Variants in CELF2 observed in about 807,000 individuals in gnomAD.
The protein encoded by CELF2 is CUG triplet repeat RNA-binding protein 2.
A neutral mutation model predicts 62.6 loss-of-function variants in CELF2; 8 were observed. The observed-to-expected ratio is 0.13, with a 90% CI of 0.07 to 0.23. CELF2 has a LOEUF of 0.23. CELF2 is among the 10% of genes least tolerant of loss of function. The pLI is 1.00. For missense variants in CELF2, 333 were observed against 671.0 expected (o/e 0.50, Z 5.56); for synonymous variants, 258 against 250.0 (o/e 1.03, Z -0.30).
Position 10,957,483 on chromosome 10 carries a change from G to T in CELF2, c.89+37484G>T, listed in dbSNP as rs1355832813. On this transcript the variant is annotated intron_variant, in intron 2 of 13. Coordinates refer to the CELF2 transcript ENST00000636488. This position sits in a 1 kb window ranked among gnomAD's most constrained non-coding sequence, Gnocchi z 4.1. Reference sequence around the variant, plus strand: ...AAGAAACCCTACTGGAATTAACCAGGATCTACTTTAAACAACCGTCAGACC... The same window carrying T: ...AAGAAACCCTACTGGAATTAACCAGTATCTACTTTAAACAACCGTCAGACC... Among the ~76,000 whole-genome samples the T allele has an allele frequency of 6.6e-6, 1 of 152,114 alleles. No homozygotes were observed. Among genetic ancestry groups the T allele is most frequent in the African/African-American group, 2.4e-5 (1 of 41,426 alleles).
chr10:11,104,910 CTT>C (rs1340656319), intron 1 of CELF2, among the ~76,000 whole-genome samples: 1 of 152,182 alleles, frequency 6.6e-6, no homozygotes, highest in African/African-American at 2.4e-5. Flanking sequence ...GAGGTGACCT[CTT>C]GAGTGTGAAA....
intron 2 of CELF2, among the ~76,000 whole-genome samples, chr10:11,197,651 A>C (rs1282524777): frequency 6.6e-6 from 1 of 152,246 alleles, no homozygotes; most frequent in Non-Finnish European, 1.5e-5. Context: ...GATCCGCTGA[A>C]CAGAATCTCA....
intron 1 of CELF2, among the ~76,000 whole-genome samples, chr10:11,056,143 T>G (rs1209233405): frequency 6.6e-6 from 1 of 152,180 alleles, no homozygotes; most frequent in African/African-American, 2.4e-5. Flanking sequence ...TAGGTAGAAG[T>G]GTGTGTGCAA....
At chr10:10,805,465 T>G (rs576158962) in intron 1 of CELF2, among the ~76,000 whole-genome samples, 2 of 152,304 alleles carry the variant, frequency 1.3e-5, no homozygotes, top group African/African-American at 2.4e-5. Flanking sequence ...TTTTAAAAAT[T>G]TTTTGCAGAG....
chr10:11,266,235 T>C (rs184689130), intron 5 of CELF2, among the ~76,000 whole-genome samples: 1 of 152,252 alleles, frequency 6.6e-6, no homozygotes, highest in Admixed American at 6.5e-5. Context: ...TCAGTAAAGA[T>C]CATCAGTCAA....
At chr10:10,651,598 C>A in the CELF2 span, among the ~76,000 whole-genome samples, 1 of 144,562 alleles carries the variant, frequency 6.9e-6, no homozygotes, top group African/African-American at 2.6e-5. Context: ...GAGGCACCCC[C>A]CAGCAGGGGC....
In CELF2 at chr10:11,280,167, C is replaced by A. The variant is rs367750867; in HGVS notation, c.841+5047C>A. ...GGGGAAAGGACGGGGCACCCACATA[C>A]CTCAGAAAAGAGAGAGCGACAGAGG... is the stretch of plus-strand genomic sequence containing the variant. On this transcript the variant is annotated intron_variant, in intron 8 of 12. Coordinates refer to ENST00000633077, the MANE Select transcript of CELF2 (RefSeq NM_001326342.2). The surrounding 1 kb of genome is among the most constrained non-coding windows in gnomAD (Gnocchi z 7.6). Among the ~76,000 whole-genome samples the A allele has an allele frequency of 1.0e-3, 158 of 152,228 alleles. 3 individuals are homozygous for A. In the South Asian group the frequency reaches 0.032, roughly 30 times the overall value.
At chr10:11,287,763 T>C (rs1269840997) in intron 8 of CELF2, among the ~76,000 whole-genome samples, 4 of 152,242 alleles carry the variant, frequency 2.6e-5, no homozygotes, top group Middle Eastern at 3.2e-3. Flanking sequence ...GTGACATTCA[T>C]TGAGCTCTTA....
chr10:10,543,383 A>T, the CELF2 span, among the ~76,000 whole-genome samples: 1 of 152,170 alleles, frequency 6.6e-6, no homozygotes, highest in Non-Finnish European at 1.5e-5. Flanking sequence ...AACCTGCTTG[A>T]TCCCATAGAC....
intron 1 of CELF2, among the ~76,000 whole-genome samples, chr10:11,148,333 C>A (rs1442549879): frequency 6.6e-6 from 1 of 152,246 alleles, no homozygotes; most frequent in Non-Finnish European, 1.5e-5. Context: ...CCTGCCTTCA[C>A]ACAGCGTGTA....
chr10:11,307,525 T>C (rs2094312522), intron 9 of CELF2, among the ~76,000 whole-genome samples: 2 of 152,208 alleles, frequency 1.3e-5, no homozygotes, highest in South Asian at 4.1e-4. Context: ...ACCTAATAAC[T>C]GATGATGATC....
chr10:10,824,063 T>C (rs1438559549), intron 1 of CELF2, among the ~76,000 whole-genome samples: 1 of 152,116 alleles, frequency 6.6e-6, no homozygotes, highest in East Asian at 1.9e-4. Context: ...TTACAGAAGA[T>C]AGAATCAAAG....
intron 1 of CELF2, among the ~76,000 whole-genome samples, chr10:11,018,464 G>A (rs141491836): frequency 0.064 from 9,628 of 150,604 alleles, 369 homozygotes; most frequent in Middle Eastern, 0.13. Flanking sequence ...CGGCGTCCCG[G>A]GTCCCCGCGG....
At chr10:10,685,082 G>T in the CELF2 span, among the ~76,000 whole-genome samples, 4 of 152,098 alleles carry the variant, frequency 2.6e-5, no homozygotes, top group African/African-American at 9.7e-5. Flanking sequence ...GTCAGGGCAA[G>T]TTAAGTGCAG....
chr10:10,685,741 A>G, the CELF2 span, among the ~76,000 whole-genome samples: 11 of 152,208 alleles, frequency 7.2e-5, no homozygotes. Context: ...GTGGGTTGAG[A>G]CAAGTGTGAA....
the CELF2 span, among the ~76,000 whole-genome samples, chr10:10,739,354 G>T: frequency 6.6e-6 from 1 of 152,248 alleles, no homozygotes; most frequent in Non-Finnish European, 1.5e-5. Context: ...TCTTCCAAAT[G>T]TTTAAATATA....
chr10:11,223,354 G>A lies in CELF2; in HGVS notation c.354+5847G>A, dbSNP rs1362311871. On this transcript the variant is annotated intron_variant, in intron 3 of 12. Transcript: ENST00000633077. This position sits in a 1 kb window ranked among gnomAD's most constrained non-coding sequence, Gnocchi z 5.1. The stretch of plus-strand genomic sequence containing the variant: ...TTGTGGAGCACCCCAGCATACAAAC[G>A]TGTGGAACATACACGTATTCCACAC... 1.3e-5 allele frequency among the ~76,000 whole-genome samples: 2 copies of A among 152,196 alleles called. No homozygotes were observed. Among genetic ancestry groups the A allele is most frequent in the South Asian group, 2.1e-4 (1 of 4,832 alleles).
chr10:10,709,836 A>G, the CELF2 span, among the ~76,000 whole-genome samples: 28 of 152,302 alleles, frequency 1.8e-4, no homozygotes, highest in East Asian at 3.9e-3. Flanking sequence ...GCTGGCATCA[A>G]TGTGTGATCT....
chr10:11,272,141 C>T (rs1346977399), intron 7 of CELF2, among the ~76,000 whole-genome samples: 2 of 152,194 alleles, frequency 1.3e-5, no homozygotes, highest in African/African-American at 4.8e-5. Context: ...GAATGAGAAG[C>T]ATCCTTTTCC....
Sources: gnomAD v4.1 joint callset for allele counts (sites outside exome capture counted in the v4.1 genomes callset) on GRCh38, gnomAD v4.1.1 for gene constraint, Gnocchi (gnomAD v3.1) non-coding constraint, MANE v1.5 for transcripts, NCBI Gene and HGNC (gene_info 2026-07-23, HGNC 2026-07-21) for gene names.